The following SETX variants were observed in gnomAD, a reference collection of about 807,000 sequenced individuals.
SETX encodes the protein helicase senataxin.
Under a neutral mutation model 227.2 loss-of-function variants are expected in SETX, and 90 were observed. That is an observed-to-expected ratio of 0.40 (90% CI 0.33 to 0.47). The LOEUF is 0.47. Ranked by LOEUF, SETX falls within the 20% of genes least tolerant of loss-of-function variation. SETX has a pLI of 0.91. For missense variants in SETX, 3,052 were observed against 3,181.5 expected (o/e 0.96, Z 0.98); for synonymous variants, 1,210 against 1,113.2 (o/e 1.09, Z -1.73).
chr9:132,269,728 C>A, intron 24 of SETX, 26 bp from the exon 25 acceptor site: 1 of 1,610,046 alleles, frequency 6.2e-7, no homozygotes, highest in Non-Finnish European at 8.5e-7. Context: ...AGAGTTCCTT[C>A]TTTGTCTAGA....
chr9:132,284,704 A>G (rs866890634), intron 18 of SETX, among the ~76,000 whole-genome samples: 10 of 152,212 alleles, frequency 6.6e-5, no homozygotes, highest in Middle Eastern at 3.2e-3. Context: ...GAATTGCAAA[A>G]AACAAAAACC....
At chr9:132,295,452 G>C (rs1435910377) in intron 15 of SETX, among the ~76,000 whole-genome samples, 1 of 152,192 alleles carries the variant, frequency 6.6e-6, no homozygotes, top group Admixed American at 6.5e-5. Flanking sequence ...CTCTTGCCCT[G>C]ATTCTTTTTT....
At chr9:132,344,603 G>C (rs922939452) in intron 4 of SETX, among the ~76,000 whole-genome samples, 1 of 152,120 alleles carries the variant, frequency 6.6e-6, no homozygotes, top group Non-Finnish European at 1.5e-5. Context: ...GGCCAGGCAC[G>C]CTGGCTTACA....
rs772440614 is a variant in SETX at position 132,329,180 on chromosome 9, A to G, written c.2418T>C (p.Asp806=). Residue 806 remains aspartate (D), a synonymous_variant, in exon 10 of 26, where the codon GAT becomes GAC. Coordinates refer to ENST00000224140, the MANE Select transcript of SETX (RefSeq NM_015046.7). ...AATTTTCATCTAAATTGATAGTATT[A>G]TCGACCAAAGTACTCTTCCTGTGTT... ...KKQHRKSTLV[D]NTINLDENLT... The G allele has an allele frequency of 6.2e-7, 1 of 1,613,334 alleles. No individual in the cohort carries two copies. Among genetic ancestry groups the G allele is most frequent in the Admixed American group, 1.7e-5 (1 of 59,984 alleles).
At position 132,328,956 on chromosome 9, in the gene SETX, T is replaced by C; in HGVS notation, c.2642A>G (p.Glu881Gly). ...AAATTCCTGTATTTTACAATTGTTT[T>C]CATGGAAAGAGAAAATAACTAATTC... ...NEELVIFSFH[E>G]NNCKIQEFHV... The change falls in exon 10 of 26, where the codon GAA becomes GGA. Residue 881 changes from glutamate to glycine, a missense_variant. This residue lies in a region of SETX where 1,483 missense variants were observed against 1,312.0 expected (regional missense o/e 1.13). Coordinates refer to ENST00000224140, the MANE Select transcript of SETX (RefSeq NM_015046.7). 1 of 1,610,176 alleles carries C rather than the reference T, an allele frequency of 6.2e-7. No homozygotes were observed. Among genetic ancestry groups the C allele is most frequent in the Non-Finnish European group, 8.5e-7 (1 of 1,178,860 alleles).
At chr9:132,336,213 A>G in intron 6 of SETX, 83 bp downstream of exon 6, 1 of 1,126,434 alleles carries the variant, frequency 8.9e-7, no homozygotes, top group Non-Finnish European at 1.3e-6. Context: ...ACTGCACTCC[A>G]GCCTGGGCAA....
chr9:132,278,211 C>T lies in SETX; in HGVS notation c.6701G>A (p.Cys2234Tyr). The T allele has an allele frequency of 1.9e-6, 3 of 1,614,138 alleles. No homozygotes were observed. Among genetic ancestry groups the T allele is most frequent in the Non-Finnish European group, 2.5e-6 (3 of 1,180,038 alleles). ...GYDQSMMARF[C>Y]RLLEENVEHN... ...TTCTACATTCTCTTCCAGCAGTCTG[C>T]AGAAGCGAGCCATCATTGACTGGTC... The change falls in exon 21 of 26, where the codon TGC (cysteine) becomes TAC (tyrosine). Residue 2234 changes from cysteine (C) to tyrosine (Y), a missense_variant. By Grantham distance (194) the Cys-to-Tyr change is radical. Around this residue, in one of 10 missense-constraint regions of SETX, gnomAD observed 412 missense variants for 589.0 expected, o/e 0.70. Coordinates refer to ENST00000224140, the MANE Select transcript of SETX (RefSeq NM_015046.7).
intron 2 of SETX, among the ~76,000 whole-genome samples, chr9:132,350,525 T>C (rs1187780575): frequency 1.3e-5 from 2 of 152,198 alleles, no homozygotes; most frequent in Non-Finnish European, 2.9e-5. Flanking sequence ...GAGGCTTCTG[T>C]GGCATAAAGC....
chr9:132,274,550 A>G (rs1043482721), intron 23 of SETX, among the ~76,000 whole-genome samples: 10 of 149,078 alleles, frequency 6.7e-5, no homozygotes, highest in Non-Finnish European at 1.5e-4. Context: ...CAAGCGATTT[A>G]CCTACCTCAG....
chr9:132,303,979 A>G (rs1473801270), intron 11 of SETX, among the ~76,000 whole-genome samples: 2 of 152,194 alleles, frequency 1.3e-5, no homozygotes, highest in Admixed American at 1.3e-4. Context: ...AAAATTAGTC[A>G]GGCATGGTGG....
chr9:132,299,372 C>T (rs1256265953), intron 12 of SETX, among the ~76,000 whole-genome samples: 1 of 152,130 alleles, frequency 6.6e-6, no homozygotes, highest in Non-Finnish European at 1.5e-5. Context: ...GGGAATGAGA[C>T]TGCCTTAGAA....
intron 20 of SETX, among the ~76,000 whole-genome samples, chr9:132,279,034 C>T (rs1338423962): frequency 2.0e-5 from 3 of 152,176 alleles, no homozygotes; most frequent in Admixed American, 6.5e-5. Flanking sequence ...ATCCTTCGAG[C>T]GTGAACTTTA....
intron 6 of SETX, among the ~76,000 whole-genome samples, chr9:132,334,959 T>C (rs534777107): frequency 7.2e-4 from 109 of 152,190 alleles, no homozygotes; most frequent in African/African-American, 2.5e-3. Context: ...ATAACTACCA[T>C]GTAACTTGTA....
intron 18 of SETX, among the ~76,000 whole-genome samples, chr9:132,284,901 C>T (rs183600027): frequency 4.0e-5 from 6 of 149,248 alleles, no homozygotes; most frequent in East Asian, 2.0e-4. Flanking sequence ...TTTTTTGAGA[C>T]GGAGTCTCGC....
chr9:132,283,094 A>C, intron 19 of SETX, 170 bp downstream of exon 19: 1 of 802,564 alleles, frequency 1.2e-6, no homozygotes, highest in Non-Finnish European at 2.0e-6. Context: ...TTCACTATGG[A>C]GGGTCATTAA....
At chr9:132,314,653 C>G (rs1030510003) in intron 10 of SETX, among the ~76,000 whole-genome samples, 2 of 152,268 alleles carry the variant, frequency 1.3e-5, no homozygotes, top group Non-Finnish European at 2.9e-5. Flanking sequence ...AGTTAGGCCT[C>G]ATCTTCAAAG....
In SETX at chr9:132,328,934, T is replaced by C. The variant is rs1847034689; in HGVS notation, c.2664A>G (p.Glu888=). The part of the protein sequence containing the change: ...SFHENNCKIQ[E]FHVDGKELIP... ...TCAATTCTTTACCATCAACATGAAA[T>C]TCCTGTATTTTACAATTGTTTTCAT... The change falls in exon 10 of 26, where the codon GAA becomes GAG. Residue 888 remains glutamate, a synonymous_variant. Transcript: ENST00000224140. The C allele has an allele frequency of 1.2e-6, 2 of 1,612,464 alleles. No individual in the cohort carries two copies. The highest frequency in any genetic ancestry group is 2.2e-5 in the East Asian group (1 of 44,872).
At chr9:132,356,089 G>C (rs1848900151), upstream of SETX, among the ~76,000 whole-genome samples, 1 of 151,868 alleles carries the variant, frequency 6.6e-6, no homozygotes, top group Non-Finnish European at 1.5e-5. Flanking sequence ...GATCGAGACT[G>C]CAGTGAGCCG....
chr9:132,324,390 TACAGTGTTA>T (rs1846572102), intron 10 of SETX, among the ~76,000 whole-genome samples: 1 of 152,200 alleles, frequency 6.6e-6, no homozygotes, highest in African/African-American at 2.4e-5. Flanking sequence ...TCTTGCCATG[TACAGTGTTA>T]ACAACTCACT....
Sources: allele counts gnomAD v4.1 joint callset (sites outside exome capture counted in the v4.1 genomes callset), GRCh38; gene constraint gnomAD v4.1.1; regional missense constraint gnomAD v4.1.1; transcripts MANE v1.5; gene names NCBI Gene and HGNC (gene_info 2026-07-23, HGNC 2026-07-21).